Variants in UNC80 observed in about 807,000 individuals in gnomAD.
The protein encoded by UNC80 is unc-80 subunit of NALCN channel complex.
Under a neutral mutation model 384.6 loss-of-function variants are expected in UNC80, and 164 were observed. That is an observed-to-expected ratio of 0.43 (90% CI 0.38 to 0.49). The LOEUF (loss-of-function observed/expected upper bound fraction) is 0.49. Among genes scored for constraint, UNC80 ranks in the 20% least tolerant of loss-of-function variants. UNC80 has a pLI of 0.00. For missense variants in UNC80, 3,330 were observed against 4,143.0 expected (o/e 0.80, Z 5.39); for synonymous variants, 1,486 against 1,527.8 (o/e 0.97, Z 0.64).
At chr2:209,981,003 T>G (rs2093144241) in intron 59 of UNC80, among the ~76,000 whole-genome samples, 1 of 152,228 alleles carries the variant, frequency 6.6e-6, no homozygotes, top group African/African-American at 2.4e-5. Context: ...ATAACAAGAA[T>G]CAATTTTAAG....
intron 31 of UNC80, among the ~76,000 whole-genome samples, chr2:209,917,133 G>A (rs1270277383): frequency 6.6e-6 from 1 of 152,170 alleles, no homozygotes; most frequent in Non-Finnish European, 1.5e-5. Flanking sequence ...TACTCATGTA[G>A]GGTATGTTTT....
rs997116401 is a variant in UNC80, at chr2:209,998,387, T to C, written c.*2792T>C. 6.6e-6 allele frequency: 1 copy of C among 152,246 alleles called. No homozygotes were observed. Among genetic ancestry groups the C allele is most frequent in the Non-Finnish European group, 1.5e-5 (1 of 68,048 alleles). The allele number at this position is 152,246 out of a possible 1,614,324, so 9.4% of individuals were successfully genotyped here. A position where few individuals can be genotyped will look rare whatever the true frequency, so the allele number is the denominator to read the frequency against. On this transcript the variant is annotated 3_prime_UTR_variant, in exon 65 of 65. Coordinates refer to ENST00000673920, the MANE Select transcript of UNC80 (RefSeq NM_001371986.1). ...GAAAAAGAAACTGAGTTATTGAGTG[T>C]ATTAAGACAAGGCACTGAGAACTAC...
intron 15 of UNC80, among the ~76,000 whole-genome samples, chr2:209,830,216 C>T (rs2080854315): frequency 6.6e-6 from 1 of 152,154 alleles, no homozygotes; most frequent in South Asian, 2.1e-4. Context: ...GATTTAGAAG[C>T]AGTTTTCCTG....
At chr2:209,831,382 C>T (rs1205929614) in intron 15 of UNC80, 61 bp from the exon 16 acceptor site, 2 of 1,498,812 alleles carry the variant, frequency 1.3e-6, no homozygotes, top group East Asian at 4.9e-5. Flanking sequence ...TACTGCCTTA[C>T]TCCTACCCAT....
chr2:209,797,875 C>T (rs552288864), intron 7 of UNC80, among the ~76,000 whole-genome samples: 1 of 152,278 alleles, frequency 6.6e-6, no homozygotes, highest in East Asian at 1.9e-4. Flanking sequence ...GATGGTATCT[C>T]ATTGTGGTTT....
At chr2:209,945,258 A>G (rs1170193797) in intron 46 of UNC80, 69 bp downstream of exon 46, 2 of 1,426,154 alleles carry the variant, frequency 1.4e-6, no homozygotes, top group Non-Finnish European at 1.9e-6. Context: ...TATGTATTAT[A>G]CACACATACA....
At chr2:209,915,773 C>T (rs1261696934) in intron 31 of UNC80, among the ~76,000 whole-genome samples, 1 of 152,104 alleles carries the variant, frequency 6.6e-6, no homozygotes, top group Non-Finnish European at 1.5e-5. Context: ...GGGTACGAAC[C>T]TACAGTTACA....
In UNC80 at chr2:209,910,621, G is replaced by T. The variant is rs534482881; in HGVS notation, c.4783-1939G>T. Among the ~76,000 whole-genome samples the T allele has an allele frequency of 1.5e-3, 229 of 151,046 alleles. 1 individual carries two copies. Among genetic ancestry groups the T allele is most frequent in the African/African-American group, 5.4e-3 (221 of 41,162 alleles). ...TATACTTTGGTAGGCAGAAACACAG[G>T]GTATCAGGGACAAATATAAATGCTC... is the stretch of plus-strand genomic sequence containing the variant. On this transcript the variant is annotated intron_variant, in intron 29 of 64. Coordinates refer to ENST00000673920, the MANE Select transcript of UNC80 (RefSeq NM_001371986.1).
At chr2:209,959,034 T>G in intron 49 of UNC80, 85 bp from the exon 50 acceptor site, 1 of 1,148,418 alleles carries the variant, frequency 8.7e-7, no homozygotes, top group African/African-American at 1.5e-5. Flanking sequence ...TCAAGGGCTT[T>G]TCATATGAAA....
At chr2:209,970,149 C>T (rs943791070) in intron 53 of UNC80, 15 of 428,176 alleles carry the variant, frequency 3.5e-5, no homozygotes, top group African/African-American at 6.1e-5. Context: ...CTTCAAGTTG[C>T]GCTGAGAGTT....
At chr2:209,944,031 A>G (rs1226613065) in intron 45 of UNC80, among the ~76,000 whole-genome samples, 1 of 152,150 alleles carries the variant, frequency 6.6e-6, no homozygotes, top group Non-Finnish European at 1.5e-5. Context: ...ATCTTTATAT[A>G]TGATTTAGTC....
chr2:209,867,471 G>C (rs1012046783), intron 22 of UNC80, among the ~76,000 whole-genome samples: 3 of 151,950 alleles, frequency 2.0e-5, no homozygotes, highest in Admixed American at 2.0e-4. Context: ...TGAGAATGTG[G>C]GATTTTGTTA....
chr2:209,901,886 G>A (rs574745924), intron 28 of UNC80, among the ~76,000 whole-genome samples: 8 of 151,480 alleles, frequency 5.3e-5, no homozygotes, highest in Middle Eastern at 3.4e-3. Context: ...CCGAGATCGC[G>A]CCACTGCACT....
At chr2:209,806,218 T>C (rs926913881) in intron 7 of UNC80, among the ~76,000 whole-genome samples, 7 of 152,192 alleles carry the variant, frequency 4.6e-5, no homozygotes, top group African/African-American at 1.7e-4. Context: ...ATAATAAGCA[T>C]AGAAATTTAC....
intron 23 of UNC80, among the ~76,000 whole-genome samples, chr2:209,876,554 G>A (rs764583528): frequency 1.3e-5 from 2 of 152,034 alleles, no homozygotes; most frequent in African/African-American, 4.8e-5. Flanking sequence ...AATTTAAGTT[G>A]CTTAGTTACA....
At chr2:209,937,038 A>T in intron 41 of UNC80, 105 bp downstream of exon 41, 1 of 730,180 alleles carries the variant, frequency 1.4e-6, no homozygotes, top group Non-Finnish European at 2.3e-6. Context: ...AGAAGGTAAT[A>T]GTATGGCCAC....
chr2:209,923,135 G>A (rs2090163870), intron 35 of UNC80, among the ~76,000 whole-genome samples: 1 of 152,186 alleles, frequency 6.6e-6, no homozygotes, highest in African/African-American at 2.4e-5. Context: ...AAAAGGCTGA[G>A]AAGCGAGTGT....
At chr2:209,921,466 G>T (rs2090035942) in intron 33 of UNC80, 34 bp from the exon 34 acceptor site, 2 of 1,522,146 alleles carry the variant, frequency 1.3e-6, no homozygotes, top group Non-Finnish European at 1.8e-6. Flanking sequence ...CAGAAGAATT[G>T]CTATTAAATG....
intron 51 of UNC80, among the ~76,000 whole-genome samples, chr2:209,960,085 T>C (rs1254185078): frequency 2.6e-5 from 4 of 152,210 alleles, no homozygotes; most frequent in Admixed American, 2.6e-4. Context: ...TCTCTGTTAT[T>C]TTACATGAGG....
Sources: allele counts gnomAD v4.1 joint callset (sites outside exome capture counted in the v4.1 genomes callset), GRCh38; gene constraint gnomAD v4.1.1; transcripts MANE v1.5; gene names NCBI Gene and HGNC (gene_info 2026-07-23, HGNC 2026-07-21).